Variants in MYH14 observed in about 807,000 individuals in gnomAD.
MYH14 encodes the protein myosin-14.
Under a neutral mutation model 255.5 loss-of-function variants are expected in MYH14, and 123 were observed. The ratio of observed to expected loss-of-function variants is 0.48; its 90% CI spans 0.42 to 0.56. MYH14 has a LOEUF of 0.56. Ranked by LOEUF, MYH14 falls within the 20% of genes least tolerant of loss-of-function variation. The pLI is 0.00. For synonymous variants in MYH14, 1,095 were observed against 1,161.2 expected (o/e 0.94, Z 1.16); for missense variants, 2,423 against 2,802.3 (o/e 0.86, Z 3.06).
At chr19:50,212,987 C>T (rs535882240) in intron 2 of MYH14, among the ~76,000 whole-genome samples, 2 of 152,290 alleles carry the variant, frequency 1.3e-5, no homozygotes, top group South Asian at 4.1e-4. Context: ...GGGTCTCACT[C>T]TGTTGCCCAG....
intron 10 of MYH14, among the ~76,000 whole-genome samples, chr19:50,239,071 G>A: frequency 6.6e-6 from 1 of 152,314 alleles, no homozygotes; most frequent in African/African-American, 2.4e-5. Flanking sequence ...CCAGGCTGGA[G>A]TACAGTGGCG....
rs377216969 is a variant in MYH14, at chr19:50,232,033, G to T, written c.1077G>T (p.Ser359=). The T allele has an allele frequency of 4.3e-6, 7 of 1,613,076 alleles. No individual in the cohort carries two copies. The African/African-American group carries it at 6.7e-5, about 15-fold the overall frequency. The change falls in exon 10 of 43, where the codon TCG becomes TCT. Residue 359 remains serine, a synonymous_variant. Transcript: ENST00000642316. ...ERELFQETLE[S]LRVLGFSHEE... The stretch of plus-strand genomic sequence containing the variant: ...AACTCTTCCAGGAGACGCTGGAGTC[G>T]CTGCGGGTCCTGGGATTCAGCCACG...
chr19:50,246,936 C>T, intron 11 of MYH14, 68 bp from the exon 12 acceptor site: 2 of 1,138,282 alleles, frequency 1.8e-6, no homozygotes, highest in African/African-American at 1.5e-5. Context: ...AAACGGTACC[C>T]TCTCCCTTGC....
chr19:50,299,169 G>A (rs929136894), intron 39 of MYH14, among the ~76,000 whole-genome samples: 3 of 152,186 alleles, frequency 2.0e-5, no homozygotes, highest in African/African-American at 7.2e-5. Context: ...AGGAAACACA[G>A]AGGAGAGACA....
intron 32 of MYH14, among the ~76,000 whole-genome samples, chr19:50,281,147 G>A (rs788330): frequency 0.36 from 55,290 of 152,068 alleles, 12,399 homozygotes; most frequent in African/African-American, 0.64. Context: ...GTGATGGTAC[G>A]TGCCTGCAGA....
At chr19:50,246,770 C>T (rs564972229) in intron 11 of MYH14, among the ~76,000 whole-genome samples, 1 of 152,244 alleles carries the variant, frequency 6.6e-6, no homozygotes, top group Middle Eastern at 3.2e-3. Context: ...CGCTGAACAT[C>T]CTTGTGGCAC....
intron 42 of MYH14, 85 bp downstream of exon 42, chr19:50,309,262 A>T: frequency 7.4e-7 from 1 of 1,355,764 alleles, no homozygotes; most frequent in Non-Finnish European, 1.1e-6. Flanking sequence ...TGCCAGGGGC[A>T]ACAACAGGGG....
intron 24 of MYH14, among the ~76,000 whole-genome samples, chr19:50,269,207 T>A (rs1269003768): frequency 6.6e-6 from 1 of 152,184 alleles, no homozygotes; most frequent in Non-Finnish European, 1.5e-5. Flanking sequence ...GTCAGAGTCT[T>A]GCTCTGTCGC....
At chr19:50,289,331 C>A in intron 34 of MYH14, 105 bp from the exon 35 acceptor site, 2 of 905,112 alleles carry the variant, frequency 2.2e-6, no homozygotes, top group Non-Finnish European at 3.5e-6. Context: ...GGCACACTGA[C>A]TTGCCATCTC....
chr19:50,308,638 G>A (rs1317907287), intron 41 of MYH14: 2 of 232,928 alleles, frequency 8.6e-6, no homozygotes, highest in African/African-American at 2.2e-5. Context: ...GGGTTTATGG[G>A]AAGAGAGAAC....
intron 11 of MYH14, among the ~76,000 whole-genome samples, chr19:50,246,081 TC>T (rs753887670): frequency 5.9e-5 from 6 of 101,950 alleles, no homozygotes; most frequent in Admixed American, 1.0e-4. Flanking sequence ...CTACTGGGAT[TC>T]CCCCCCTCCC....
chr19:50,248,142 G>A (rs2034208813), intron 12 of MYH14, among the ~76,000 whole-genome samples: 1 of 152,096 alleles, frequency 6.6e-6, no homozygotes, highest in African/African-American at 2.4e-5. Context: ...GAGAGAGGGT[G>A]GGTGAATCCA....
At chr19:50,228,285 CAAA>C (rs36078426) in intron 8 of MYH14, among the ~76,000 whole-genome samples, 1 of 125,932 alleles carries the variant, frequency 7.9e-6, no homozygotes, top group Admixed American at 8.0e-5. Flanking sequence ...GACTCTGTGT[CAAA>C]AAAAAAAAAA....
chr19:50,304,389 A>C (rs1435267946), intron 40 of MYH14, among the ~76,000 whole-genome samples: 1 of 152,220 alleles, frequency 6.6e-6, no homozygotes, highest in East Asian at 1.9e-4. Flanking sequence ...CAGGAATTCA[A>C]GACCAACCTA....
At position 50,305,208 on chromosome 19, in the gene MYH14, G is replaced by C. The variant is rs2036615191; in HGVS notation, c.5679-1841G>C. Among the ~76,000 whole-genome samples, 3 of 151,952 alleles carry C rather than the reference G, an allele frequency of 2.0e-5. No individual in the cohort carries two copies. In the South Asian group the frequency reaches 6.2e-4, roughly 32 times the overall value. ...AGAGGAGGGAGACTGGAAGCTGGGA[G>C]GTTTGGAAGGAGTCTGGAATGATGG... is the stretch of plus-strand genomic sequence containing the variant. On this transcript the variant is annotated intron_variant, in intron 40 of 42. Coordinates refer to ENST00000642316, the MANE Select transcript of MYH14 (RefSeq NM_001145809.2).
At chr19:50,203,847 G>A (rs983552190) in intron 1 of MYH14, among the ~76,000 whole-genome samples, 176 bp downstream of exon 1, 2 of 152,074 alleles carry the variant, frequency 1.3e-5, no homozygotes, top group African/African-American at 2.4e-5. Context: ...CGAGGGAGGT[G>A]GGGGGGCGGG....
chr19:50,226,602 G>A (rs1348058810), intron 7 of MYH14, among the ~76,000 whole-genome samples: 2 of 147,780 alleles, frequency 1.4e-5, no homozygotes, highest in Non-Finnish European at 3.0e-5. Context: ...GGATGAGGGA[G>A]TGCAGGCCCG....
intron 20 of MYH14, among the ~76,000 whole-genome samples, chr19:50,260,939 G>A (rs1374567855): frequency 6.6e-6 from 1 of 150,884 alleles, no homozygotes; most frequent in Non-Finnish European, 1.5e-5. Flanking sequence ...TCGGGGAGTG[G>A]GGCTGGGATC....
chr19:50,254,077 C>T (rs929215436), intron 16 of MYH14, among the ~76,000 whole-genome samples: 2 of 152,078 alleles, frequency 1.3e-5, no homozygotes, highest in Admixed American at 6.6e-5. Flanking sequence ...ATTAGCTGGG[C>T]GTGGTGGCAC....
Sources: gnomAD v4.1 joint callset for allele counts (sites outside exome capture counted in the v4.1 genomes callset) on GRCh38, gnomAD v4.1.1 for gene constraint, MANE v1.5 for transcripts, NCBI Gene and HGNC (gene_info 2026-07-23, HGNC 2026-07-21) for gene names.